TMEFF2: variants seen among roughly 807,000 people sequenced by gnomAD.
The protein encoded by TMEFF2 is tomoregulin-2.
A neutral mutation model predicts 53.8 loss-of-function variants in TMEFF2; 28 were observed. The ratio of observed to expected loss-of-function variants is 0.52; its 90% confidence interval spans 0.39 to 0.71. TMEFF2 has a LOEUF of 0.71. Among genes scored for constraint, TMEFF2 ranks in the 30% least tolerant of loss-of-function variants. The probability of loss-of-function intolerance (pLI) is 0.00; values close to 1 mark genes in which losing one functional copy is unlikely to be tolerated. For synonymous variants in TMEFF2, 162 were observed against 166.3 expected (o/e 0.97, Z 0.20); for missense variants, 353 against 455.2 (o/e 0.78, Z 2.04).
chr2:192,002,771 G>C (rs770748864), intron 5 of TMEFF2, among the ~76,000 whole-genome samples: 2 of 151,964 alleles, frequency 1.3e-5, no homozygotes, highest in African/African-American at 2.4e-5. Context: ...CGGAGGTTGC[G>C]GTGAGCTGAG....
At position 191,952,600 on chromosome 2, in the gene TMEFF2, A is replaced by G. The variant is rs1382493942; in HGVS notation, c.1028+1079T>C. On this transcript the variant is annotated intron_variant, in intron 9 of 9. Transcript: ENST00000272771. Reference sequence around the variant, plus strand: ...AGTTGATGAACTCAACTCGGCTTAGAGCAGCCCAAAGCTTTAGTCAATGAC... The same window carrying G: ...AGTTGATGAACTCAACTCGGCTTAGGGCAGCCCAAAGCTTTAGTCAATGAC... Among the ~76,000 whole-genome samples, 3 of 152,264 alleles carry G rather than the reference A, an allele frequency of 2.0e-5. No individual in the cohort carries two copies. In the East Asian group the frequency reaches 5.8e-4, roughly 29 times the overall value.
At chr2:192,137,921 G>T (rs991765710) in intron 4 of TMEFF2, among the ~76,000 whole-genome samples, 7 of 151,922 alleles carry the variant, frequency 4.6e-5, no homozygotes, top group Admixed American at 4.6e-4. Context: ...TCCTGCCTCA[G>T]ACTCCTGAGG....
At chr2:192,131,688 C>CTA (rs1382822315) in intron 4 of TMEFF2, among the ~76,000 whole-genome samples, 5 of 152,144 alleles carry the variant, frequency 3.3e-5, no homozygotes, top group African/African-American at 9.7e-5. Flanking sequence ...GCCTCCTTCA[C>CTA]TATGGGCAAG....
chr2:192,184,617 T>A, intron 2 of TMEFF2, 134 bp from the exon 3 acceptor site: 1 of 1,172,660 alleles, frequency 8.5e-7, no homozygotes, highest in Non-Finnish European at 1.2e-6. Context: ...GTCCAATAAG[T>A]CTTTATAAGG....
intron 4 of TMEFF2, among the ~76,000 whole-genome samples, chr2:192,130,368 A>G (rs1689787043): frequency 6.6e-6 from 1 of 152,140 alleles, no homozygotes; most frequent in South Asian, 2.1e-4. Context: ...GTTTTCACAT[A>G]ATACCTTAGA....
Position 192,064,493 on chromosome 2 carries a change from G to A in TMEFF2, c.440-6718C>T, listed in dbSNP as rs144811963. On this transcript the variant is annotated intron_variant, in intron 4 of 9. Coordinates refer to ENST00000272771, the MANE Select transcript of TMEFF2 (RefSeq NM_016192.4). ...GCCAATCGCTACTAAATGATTTGAC[G>A]TCTGTTCTGTATTTGCCTTAACTTT... 5.9e-3 allele frequency among the ~76,000 whole-genome samples: 903 copies of A among 151,844 alleles called. 6 individuals are homozygous for A. The highest frequency in any genetic ancestry group is 0.011 in the Non-Finnish European group (727 of 67,790).
chr2:192,109,796 G>T (rs1463605243), intron 4 of TMEFF2, among the ~76,000 whole-genome samples: 1 of 152,052 alleles, frequency 6.6e-6, no homozygotes, highest in African/African-American at 2.4e-5. Flanking sequence ...ATTTGGTTTG[G>T]ACATATTATG....
intron 5 of TMEFF2, among the ~76,000 whole-genome samples, chr2:192,010,179 T>G (rs1331531206): frequency 6.6e-6 from 1 of 152,192 alleles, no homozygotes; most frequent in Non-Finnish European, 1.5e-5. Context: ...GTTTGTCCAC[T>G]AAAATGTTAA....
chr2:191,954,711 AG>A (rs2105785665), intron 8 of TMEFF2, among the ~76,000 whole-genome samples: 1 of 152,310 alleles, frequency 6.6e-6, no homozygotes, highest in Admixed American at 6.5e-5. Context: ...GTTAGAAAAA[AG>A]TAAGTATGAC....
Position 192,098,174 on chromosome 2 carries a change from T to C in TMEFF2, c.440-40399A>G, listed in dbSNP as rs16824099. ...TGAAATAAAATACTAGCTTACATGTTCTTTAAATACAAAAGTGACTTTTTG... is the reference window on the plus strand; with the variant it reads ...TGAAATAAAATACTAGCTTACATGTCCTTTAAATACAAAAGTGACTTTTTG... On this transcript the variant is annotated intron_variant, in intron 4 of 9. Transcript: ENST00000272771. Among the ~76,000 whole-genome samples, 812 of 152,326 alleles carry C rather than the reference T, an allele frequency of 5.3e-3. 9 individuals carry two copies. The highest frequency in any genetic ancestry group is 0.019 in the African/African-American group (784 of 41,568).
chr2:192,057,956 ATATGTTTCCCATTGG>A (rs1334305750), intron 4 of TMEFF2, among the ~76,000 whole-genome samples, 181 bp from the exon 5 acceptor site: 15 of 152,216 alleles, frequency 9.9e-5, no homozygotes, highest in African/African-American at 3.6e-4. Flanking sequence ...TCTAACAATA[ATATGTTTCCCATTGG>A]TATGTGGTGA....
At chr2:192,071,732 G>A (rs532821485) in intron 4 of TMEFF2, among the ~76,000 whole-genome samples, 2 of 151,782 alleles carry the variant, frequency 1.3e-5, no homozygotes, top group African/African-American at 2.4e-5. Flanking sequence ...TAAATGCTAC[G>A]TAAATAATCC....
At chr2:192,085,947 G>A (rs7597630) in intron 4 of TMEFF2, among the ~76,000 whole-genome samples, 152,067 of 152,302 alleles carry the variant, frequency 1, 75,916 homozygotes, top group Middle Eastern at 1. Context: ...GAGCAACTTC[G>A]AAATGCTGCT....
At chr2:192,101,283 G>A (rs981318628) in intron 4 of TMEFF2, among the ~76,000 whole-genome samples, 2 of 152,166 alleles carry the variant, frequency 1.3e-5, no homozygotes, top group African/African-American at 4.8e-5. Flanking sequence ...TAATTTTACC[G>A]TGTAATTAGT....
chr2:191,987,573 A>G (rs1189140717), intron 7 of TMEFF2, among the ~76,000 whole-genome samples: 1 of 152,014 alleles, frequency 6.6e-6, no homozygotes, highest in East Asian at 1.9e-4. Flanking sequence ...CACCCAGCTA[A>G]TTTTCGTGCT....
chr2:192,135,838 C>A, intron 4 of TMEFF2, among the ~76,000 whole-genome samples: 1 of 151,804 alleles, frequency 6.6e-6, no homozygotes, highest in South Asian at 2.1e-4. Context: ...CCTGCCCCAC[C>A]TTAACTGAGT....
chr2:191,988,417 A>G (rs1686028603), intron 7 of TMEFF2, among the ~76,000 whole-genome samples: 1 of 152,204 alleles, frequency 6.6e-6, no homozygotes, highest in Non-Finnish European at 1.5e-5. Context: ...TGCTCTTTAA[A>G]TAATAGAAAA....
chr2:191,986,272 C>T (rs527335713), intron 7 of TMEFF2, among the ~76,000 whole-genome samples: 3 of 152,040 alleles, frequency 2.0e-5, no homozygotes, highest in African/African-American at 7.2e-5. Context: ...GTGTTTGGCT[C>T]AGTAATTTAA....
intron 5 of TMEFF2, among the ~76,000 whole-genome samples, chr2:192,048,361 AACACAC>A (rs3053696): frequency 1.6e-4 from 23 of 143,158 alleles, no homozygotes; most frequent in South Asian, 4.5e-4. Context: ...ATTCTCATAA[AACACAC>A]ACACACACAC....
Sources: allele counts gnomAD v4.1 joint callset (sites outside exome capture counted in the v4.1 genomes callset), GRCh38; gene constraint gnomAD v4.1.1; transcripts MANE v1.5; gene names NCBI Gene and HGNC (gene_info 2026-07-23, HGNC 2026-07-21).